The following MGAT4A variants were observed in gnomAD, a reference collection of about 807,000 sequenced individuals.
MGAT4A encodes N-acetylglucosaminyltransferase IVa.
MGAT4A carries 33 observed loss-of-function variants against 74.1 expected under a neutral mutation model. The ratio of observed to expected loss-of-function variants is 0.45; its 90% CI spans 0.34 to 0.60. MGAT4A has a LOEUF of 0.60. Among genes scored for constraint, MGAT4A ranks in the 20% least tolerant of loss-of-function variants. The pLI is 0.02. For synonymous variants in MGAT4A, 198 were observed against 210.4 expected, an observed-to-expected ratio of 0.94 and a Z score of 0.51; for missense variants, 479 against 628.3, an observed-to-expected ratio of 0.76 and a Z score of 2.54.
intron 8 of MGAT4A, among the ~76,000 whole-genome samples, chr2:98,652,189 AAAC>A (rs1288968031): frequency 1.3e-5 from 2 of 152,200 alleles, no homozygotes; most frequent in African/African-American, 4.8e-5. Flanking sequence ...CATCGGACTT[AAAC>A]AACACTATAA....
intron 8 of MGAT4A, among the ~76,000 whole-genome samples, chr2:98,649,228 G>A (rs1186719753): frequency 1.3e-5 from 2 of 152,124 alleles, no homozygotes; most frequent in Non-Finnish European, 2.9e-5. Context: ...CAGCAAAAAA[G>A]GTTATCAGAC....
chr2:98,716,021 C>T (rs778530183), intron 2 of MGAT4A, among the ~76,000 whole-genome samples: 1 of 152,170 alleles, frequency 6.6e-6, no homozygotes, highest in Non-Finnish European at 1.5e-5. Context: ...ATATAATGTG[C>T]TAACTGAAGA....
In MGAT4A at chr2:98,675,161, G is replaced by C; in HGVS notation, c.277C>G (p.Leu93Val). 2 of 1,594,628 alleles carry C rather than the reference G, an allele frequency of 1.3e-6. No individual in the cohort carries two copies. The highest frequency in any genetic ancestry group is 1.7e-6 in the Non-Finnish European group (2 of 1,167,618). The change falls in exon 4 of 16, where the codon CTG (leucine) becomes GTG (valine). Residue 93 changes from leucine (L) to valine (V), a missense_variant. Physicochemically the swap from Leu to Val is conservative, Grantham distance 32. Around this residue, in one of 3 missense-constraint regions of MGAT4A, gnomAD observed 205 missense variants for 232.7 expected, o/e 0.88. Transcript: ENST00000393487. ...TTTTTGCTTGTTAACTCCTTTAACA[G>C]CTTTAGGGTATTATCTGAAACACAG... ...LNKFSDNTLK[L>V]LKELTSKKSL...
chr2:98,619,735 C>G lies in MGAT4A; in HGVS notation c.*5831G>C, dbSNP rs998466929. The stretch of plus-strand genomic sequence containing the variant: ...TTCAAATAAATAATGGAATGCTAAT[C>G]AGGCAAAAGTACCAAACCCTTGGTT... On this transcript the variant is annotated 3_prime_UTR_variant, in exon 16 of 16. Transcript: ENST00000393487. 1 of 152,168 alleles carries G rather than the reference C, an allele frequency of 6.6e-6. No homozygotes were observed. The highest frequency in any genetic ancestry group is 2.4e-5 in the African/African-American group (1 of 41,430). 9.4% of individuals were successfully genotyped at this position (152,168 alleles called of 1,614,324 possible). A position where few individuals can be genotyped will look rare whatever the true frequency, so the allele number is the denominator to read the frequency against.
Position 98,621,975 on chromosome 2 carries a change from A to G in MGAT4A, c.*3591T>C, listed in dbSNP as rs1701067201. ...GTATCTACAGCCTATGTGCTAAATAATCCTTTGTGTTAACTTTTTCCAAAG... is the reference window on the plus strand; with the variant it reads ...GTATCTACAGCCTATGTGCTAAATAGTCCTTTGTGTTAACTTTTTCCAAAG... On this transcript the variant is annotated 3_prime_UTR_variant, in exon 16 of 16. Coordinates refer to ENST00000393487, the MANE Select transcript of MGAT4A (RefSeq NM_012214.3). 1.0e-6 allele frequency: 1 copy of G among 987,942 alleles called. No individual in the cohort carries two copies. The highest frequency in any genetic ancestry group is 1.2e-6 in the Non-Finnish European group (1 of 831,762). The allele number at this position is 987,942 out of a possible 1,614,324, so 61.2% of individuals were successfully genotyped here. A position where few individuals can be genotyped will look rare whatever the true frequency, so the allele number is the denominator to read the frequency against.
chr2:98,688,707 T>C (rs1702159340), intron 2 of MGAT4A, among the ~76,000 whole-genome samples: 2 of 152,142 alleles, frequency 1.3e-5, no homozygotes, highest in Admixed American at 1.3e-4. Context: ...TGGATAAGCT[T>C]GGGAGTGTAT....
intron 12 of MGAT4A, among the ~76,000 whole-genome samples, chr2:98,637,062 C>A (rs1419826221): frequency 1.3e-5 from 2 of 152,166 alleles, no homozygotes; most frequent in South Asian, 2.1e-4. Flanking sequence ...GTACTCCCAG[C>A]ACTTTGGGAG....
rs578174650 is a variant in MGAT4A at position 98,649,679 on chromosome 2, A to G, written c.775-4137T>C. ...CCACAGTGCTGCAGAGCTCCTGACTAGAAACCAGTCAACTTCAATTAGGAG... is the reference window on the plus strand; with the variant it reads ...CCACAGTGCTGCAGAGCTCCTGACTGGAAACCAGTCAACTTCAATTAGGAG... On this transcript the variant is annotated intron_variant, in intron 8 of 15. Transcript: ENST00000393487. 3.3e-5 allele frequency among the ~76,000 whole-genome samples: 5 copies of G among 152,190 alleles called. No individual in the cohort carries two copies. In the East Asian group the frequency reaches 9.7e-4, roughly 29 times the overall value.
chr2:98,706,250 C>T (rs2104319774), intron 2 of MGAT4A, among the ~76,000 whole-genome samples: 1 of 152,240 alleles, frequency 6.6e-6, no homozygotes, highest in East Asian at 1.9e-4. Flanking sequence ...GGACCAGAAT[C>T]TTGCTAGGAA....
At chr2:98,687,050 G>A (rs1323570043) in intron 2 of MGAT4A, among the ~76,000 whole-genome samples, 8 of 152,060 alleles carry the variant, frequency 5.3e-5, no homozygotes, top group Admixed American at 2.0e-4. Flanking sequence ...ACAACCACAA[G>A]GAGCTTGGAG....
At chr2:98,635,567 CTGTGTAGTTAACT>C (rs1701306733) in intron 13 of MGAT4A, among the ~76,000 whole-genome samples, 1 of 152,120 alleles carries the variant, frequency 6.6e-6, no homozygotes, top group Non-Finnish European at 1.5e-5. Context: ...TATAGAAGAA[CTGTGTAGTTAACT>C]TGAAAGAAAT....
At chr2:98,680,829 A>C (rs1277121941) in intron 2 of MGAT4A, among the ~76,000 whole-genome samples, 2 of 152,266 alleles carry the variant, frequency 1.3e-5, no homozygotes, top group African/African-American at 2.4e-5. Context: ...GAGACACATA[A>C]GTTTTATGTG....
intron 8 of MGAT4A, among the ~76,000 whole-genome samples, chr2:98,646,106 A>C (rs1423054590): frequency 4.6e-5 from 7 of 152,204 alleles, no homozygotes; most frequent in Admixed American, 1.3e-4. Flanking sequence ...ACACGTAAAA[A>C]TTTGAAAAGC....
chr2:98,649,170 C>A (rs930474154), intron 8 of MGAT4A, among the ~76,000 whole-genome samples: 5 of 152,218 alleles, frequency 3.3e-5, no homozygotes, highest in Admixed American at 3.3e-4. Flanking sequence ...TCACACCAAT[C>A]TGTATTTACT....
chr2:98,687,856 G>A (rs915778251), intron 2 of MGAT4A, among the ~76,000 whole-genome samples: 4 of 152,306 alleles, frequency 2.6e-5, no homozygotes, highest in Middle Eastern at 6.8e-3. Context: ...TTAACTGTGG[G>A]AACTTGACAG....
intron 2 of MGAT4A, among the ~76,000 whole-genome samples, chr2:98,708,463 A>AT (rs760796520): frequency 1.1e-4 from 16 of 152,144 alleles, no homozygotes; most frequent in Non-Finnish European, 2.1e-4. Flanking sequence ...ATTATGTGTA[A>AT]TTATTTCTAG....
In MGAT4A at chr2:98,621,226, C is replaced by T. The variant is rs1236792185; in HGVS notation, c.*4340G>A. 1.9e-5 allele frequency: 13 copies of T among 671,140 alleles called. No individual in the cohort carries two copies. Among genetic ancestry groups the T allele is most frequent in the Non-Finnish European group, 2.7e-5 (12 of 437,554 alleles). 41.6% of individuals were successfully genotyped at this position (671,140 alleles called of 1,614,324 possible). A position where few individuals can be genotyped will look rare whatever the true frequency, so the allele number is the denominator to read the frequency against. Reference sequence around the variant, plus strand: ...AGTGAGTTCTCGGCTTAGGGTCTCACAAGGCTGGATTCAAAGTGTTGGCCA... The same window carrying T: ...AGTGAGTTCTCGGCTTAGGGTCTCATAAGGCTGGATTCAAAGTGTTGGCCA... On this transcript the variant is annotated 3_prime_UTR_variant, in exon 16 of 16. Transcript: ENST00000393487.
intron 8 of MGAT4A, among the ~76,000 whole-genome samples, chr2:98,650,750 C>T (rs1701563851): frequency 6.6e-6 from 1 of 151,988 alleles, no homozygotes; most frequent in Non-Finnish European, 1.5e-5. Flanking sequence ...CAGGAGTTCG[C>T]GACCAGCCTG....
chr2:98,685,262 T>G (rs1354038157), intron 2 of MGAT4A, among the ~76,000 whole-genome samples: 1 of 149,988 alleles, frequency 6.7e-6, no homozygotes, highest in Non-Finnish European at 1.5e-5. Flanking sequence ...AAAAAAGTAG[T>G]CATCTGGTTC....
Sources: gnomAD v4.1 joint callset for allele counts (sites outside exome capture counted in the v4.1 genomes callset) on GRCh38, gnomAD v4.1.1 for gene constraint, gnomAD v4.1.1 regional missense constraint, MANE v1.5 for transcripts, NCBI Gene and HGNC (gene_info 2026-07-23, HGNC 2026-07-21) for gene names.